The following PSPC1 variants were observed in gnomAD, a reference collection of about 807,000 sequenced individuals.
PSPC1 encodes the protein paraspeckle protein 1.
In PSPC1, 14 loss-of-function variants were observed where a neutral mutation model predicts 51.6. The observed-to-expected ratio is 0.27, with a 90% CI of 0.18 to 0.42. The LOEUF is 0.42. Ranked by LOEUF, PSPC1 falls within the 10% of genes least tolerant of loss-of-function variation. The pLI, the probability that PSPC1 is intolerant of heterozygous loss-of-function variation, is 1.00. For synonymous variants in PSPC1, 193 were observed against 231.9 expected, an observed-to-expected ratio of 0.83 and a Z score of 1.53; for missense variants, 406 against 701.1, an observed-to-expected ratio of 0.58 and a Z score of 4.75.
At chr13:19,725,202 C>T (rs963448378) in intron 6 of PSPC1, among the ~76,000 whole-genome samples, 1 of 151,974 alleles carries the variant, frequency 6.6e-6, no homozygotes, top group African/African-American at 2.4e-5. Context: ...ATTTTAAAAT[C>T]CCAGGTGTCA....
At chr13:19,679,551 T>C (rs1877048194) in intron 6 of PSPC1, among the ~76,000 whole-genome samples, 1 of 152,182 alleles carries the variant, frequency 6.6e-6, no homozygotes, top group Non-Finnish European at 1.5e-5. Context: ...GTGTCTATAC[T>C]GAACATGTAT....
chr13:19,763,965 T>C (rs558188198), intron 2 of PSPC1, among the ~76,000 whole-genome samples: 3 of 151,978 alleles, frequency 2.0e-5, no homozygotes, highest in Non-Finnish European at 4.4e-5. Context: ...ATCACACCAC[T>C]GCACTCCAGC....
intron 1 of PSPC1, among the ~76,000 whole-genome samples, chr13:19,775,775 G>C (rs1593781947): frequency 6.6e-6 from 1 of 152,332 alleles, no homozygotes; most frequent in East Asian, 1.9e-4. Context: ...ATAGGGCTGG[G>C]CACAGTGGCT....
chr13:19,676,506 C>G (rs886946413), intron 7 of PSPC1, among the ~76,000 whole-genome samples: 1 of 152,048 alleles, frequency 6.6e-6, no homozygotes, highest in African/African-American at 2.4e-5. Flanking sequence ...CTCAAAACTA[C>G]AGAATACATC....
At chr13:19,686,658 C>CA (rs1186770853) in intron 6 of PSPC1, among the ~76,000 whole-genome samples, 2 of 152,008 alleles carry the variant, frequency 1.3e-5, no homozygotes, top group African/African-American at 4.8e-5. Context: ...CATTATTGTT[C>CA]ATAAAATTCA....
chr13:19,728,978 G>A (rs998127251), intron 6 of PSPC1, among the ~76,000 whole-genome samples: 2 of 151,982 alleles, frequency 1.3e-5, no homozygotes, highest in South Asian at 2.1e-4. Context: ...AAGTTATTGC[G>A]AGTCACAAAT....
intron 8 of PSPC1, among the ~76,000 whole-genome samples, chr13:19,703,644 A>G (rs1165903819): frequency 6.6e-6 from 1 of 152,238 alleles, no homozygotes; most frequent in Non-Finnish European, 1.5e-5. Flanking sequence ...TGTAATCTTA[A>G]GCCTAAACAA....
downstream of PSPC1, among the ~76,000 whole-genome samples, chr13:19,673,979 C>T (rs1876334276): frequency 6.6e-6 from 1 of 152,186 alleles, no homozygotes; most frequent in African/African-American, 2.4e-5. Context: ...CTAGTCTTTT[C>T]CCCTGGAAAG....
chr13:19,714,806 T>C (rs1305277144), intron 6 of PSPC1, among the ~76,000 whole-genome samples: 1 of 152,106 alleles, frequency 6.6e-6, no homozygotes, highest in Non-Finnish European at 1.5e-5. Flanking sequence ...ACCCAATTAA[T>C]TTCGATGTAA....
Position 19,782,552 on chromosome 13 carries a change from C to G in PSPC1, c.206G>C (p.Ser69Thr), listed in dbSNP as rs772808060. The G allele has an allele frequency of 4.3e-6, 7 of 1,612,170 alleles. No homozygotes were observed. Among genetic ancestry groups the G allele is most frequent in the South Asian group, 1.1e-5 (1 of 90,804 alleles). Residue 69 changes from serine to threonine, a missense_variant, in exon 1 of 9, where the codon AGT (serine) becomes ACT (threonine). Around this residue, in one of 5 missense-constraint regions of PSPC1, gnomAD observed 128 missense variants for 107.1 expected, o/e 1.20. Transcript: ENST00000338910. This position sits in a 1 kb window ranked among gnomAD's most constrained non-coding sequence, Gnocchi z 4.5. ...CGTCTTCTCGCCCGGCTTGAGGAAA[C>G]TCTTGATGTCGATAGTGAACCCCAT... The part of the protein sequence containing the change: ...EEMGFTIDIK[S>T]FLKPGEKTYT...
intron 2 of PSPC1, among the ~76,000 whole-genome samples, chr13:19,761,930 C>A (rs1887634144): frequency 6.6e-6 from 1 of 152,060 alleles, no homozygotes; most frequent in Non-Finnish European, 1.5e-5. Context: ...ACTTCAGAAA[C>A]AGAATTAAGA....
downstream of PSPC1, among the ~76,000 whole-genome samples, chr13:19,673,641 T>G (rs894484692): frequency 9.2e-5 from 14 of 152,134 alleles, no homozygotes; most frequent in South Asian, 4.1e-4. Context: ...AAGAAGACAG[T>G]AGGAGGAGTC....
At chr13:19,748,348 C>T (rs1246251625) in intron 4 of PSPC1, among the ~76,000 whole-genome samples, 1 of 152,088 alleles carries the variant, frequency 6.6e-6, no homozygotes, top group African/African-American at 2.4e-5. Context: ...AGTACAAGTA[C>T]TTCGGCACAA....
chr13:19,671,359 G>GA (rs999867757), downstream of PSPC1: 572 of 1,422,478 alleles, frequency 4.0e-4, no homozygotes, highest in Non-Finnish European at 5.2e-4. Context: ...ATCAACATTA[G>GA]AAAAAAAATT....
intron 2 of PSPC1, among the ~76,000 whole-genome samples, chr13:19,764,912 T>A (rs7984034): frequency 0.11 from 17,164 of 151,628 alleles, 1,251 homozygotes; most frequent in African/African-American, 0.2. Flanking sequence ...TTTTTTATTT[T>A]TCTTTTGTAG....
At chr13:19,742,431 CT>C (rs1885531453) in intron 4 of PSPC1, among the ~76,000 whole-genome samples, 1 of 151,990 alleles carries the variant, frequency 6.6e-6, no homozygotes, top group Non-Finnish European at 1.5e-5. Context: ...CAGTGAAACC[CT>C]GTCTACAAAA....
At chr13:19,764,449 ACTGATCTTTCCTCATTGTGG>A (rs1372328219) in intron 2 of PSPC1, among the ~76,000 whole-genome samples, 4 of 152,076 alleles carry the variant, frequency 2.6e-5, no homozygotes, top group Non-Finnish European at 5.9e-5. Context: ...CGTATTTGTG[ACTGATCTTTCCTCATTGTGG>A]CTGATCTTTT....
chr13:19,708,136 AAT>A (rs1880937905), intron 7 of PSPC1, among the ~76,000 whole-genome samples: 1 of 152,240 alleles, frequency 6.6e-6, no homozygotes, highest in Non-Finnish European at 1.5e-5. Flanking sequence ...GTAAAACAGC[AAT>A]ATATGACTCT....
chr13:19,775,890 A>C (rs1025642842), intron 1 of PSPC1, among the ~76,000 whole-genome samples: 17 of 152,234 alleles, frequency 1.1e-4, no homozygotes, highest in African/African-American at 3.8e-4. Flanking sequence ...CTCTACTAAA[A>C]GTACAAAAAA....
Sources: allele counts gnomAD v4.1 joint callset (sites outside exome capture counted in the v4.1 genomes callset), GRCh38; gene constraint gnomAD v4.1.1; regional missense constraint gnomAD v4.1.1; non-coding constraint Gnocchi (gnomAD v3.1); transcripts MANE v1.5; gene names NCBI Gene and HGNC (gene_info 2026-07-23, HGNC 2026-07-21).